The following TTLL2 variants were observed in gnomAD, a reference collection of about 807,000 sequenced individuals.
The protein encoded by TTLL2 is probable tubulin polyglutamylase TTLL2.
Under a neutral mutation model 7.5 loss-of-function variants are expected in TTLL2, and 10 were observed. The observed-to-expected ratio is 1.33, with a 90% confidence interval of 0.82 to 2.25. The LOEUF is 2.25. Ranked by LOEUF, TTLL2 falls within the 30% of genes most tolerant of loss-of-function variation. TTLL2 has a pLI of 0.00. For missense variants in TTLL2, 733 were observed against 735.7 expected, an observed-to-expected ratio of 1.00 and a Z score of 0.04; for synonymous variants, 284 against 280.3, an observed-to-expected ratio of 1.01 and a Z score of -0.13.
rs35919224 is a variant in TTLL2, at chr6:167,340,853, A to G, written c.953A>G (p.His318Arg). The G allele has an allele frequency of 1.8e-4, 289 of 1,614,210 alleles. 3 individuals are homozygous for G. In the African/African-American group the frequency reaches 3.6e-3, roughly 20 times the overall value. The change falls in exon 3 of 3, where the codon CAT becomes CGT. Residue 318 changes from histidine to arginine, a missense_variant. His to Arg is a conservative substitution (Grantham distance 29). Coordinates refer to ENST00000239587, the MANE Select transcript of TTLL2 (RefSeq NM_031949.5). Reference protein sequence around the residue: ...SYEKIKEVIGHGCKWTLSRFF... With the variant: ...SYEKIKEVIGRGCKWTLSRFF... ...GAGAAGATCAAAGAAGTGATTGGTC[A>G]TGGTTGTAAATGGACGCTCAGCAGA...
chr6:167,333,762 T>G, intron 1 of TTLL2, among the ~76,000 whole-genome samples: 1 of 90,840 alleles, frequency 1.1e-5, no homozygotes, highest in Non-Finnish European at 2.1e-5. Context: ...GATGGTAGTT[T>G]GTATTTCTGT....
intron 1 of TTLL2, among the ~76,000 whole-genome samples, chr6:167,331,986 T>G (rs1434361778): frequency 2.0e-5 from 3 of 152,168 alleles, no homozygotes; most frequent in Non-Finnish European, 4.4e-5. Flanking sequence ...TCAACTAAAC[T>G]CCTTTAAATT....
chr6:167,330,466 C>A (rs1394987202), intron 1 of TTLL2, among the ~76,000 whole-genome samples: 1 of 152,000 alleles, frequency 6.6e-6, no homozygotes, highest in East Asian at 1.9e-4. Context: ...GAGGCTGAGG[C>A]AGGAGAATCG....
Position 167,341,707 on chromosome 6 carries a change from T to C in TTLL2, c.*28T>C, listed in dbSNP as rs1233744522. On this transcript the variant is annotated 3_prime_UTR_variant, in exon 3 of 3. Coordinates refer to ENST00000239587, the MANE Select transcript of TTLL2 (RefSeq NM_031949.5). ...GGTAAAAAATCAAATCAAGAAAAAG[T>C]GACATGGATTTTTAAAAACCAAGGA... 1 of 1,561,938 alleles carries C rather than the reference T, an allele frequency of 6.4e-7. No homozygotes were observed. Among genetic ancestry groups the C allele is most frequent in the Admixed American group, 2.0e-5 (1 of 50,694 alleles).
chr6:167,328,205 G>A (rs546423612), intron 1 of TTLL2: 5 of 445,482 alleles, frequency 1.1e-5, no homozygotes, highest in South Asian at 3.2e-5. Context: ...AGGAGCTGTC[G>A]GCTAAGGAGG....
intron 1 of TTLL2, among the ~76,000 whole-genome samples, chr6:167,337,107 C>A (rs909640759): frequency 6.6e-6 from 1 of 151,994 alleles, no homozygotes; most frequent in African/African-American, 2.4e-5. Flanking sequence ...GCTTTCCACA[C>A]ACAATCAAAC....
Position 167,342,227 on chromosome 6 carries a change from C to T in TTLL2, c.*548C>T, listed in dbSNP as rs556996626. Among the ~76,000 whole-genome samples the T allele has an allele frequency of 6.6e-6, 1 of 152,320 alleles. No homozygotes were observed. The highest frequency in any genetic ancestry group is 2.4e-5 in the African/African-American group (1 of 41,550). On this transcript the variant is annotated 3_prime_UTR_variant, in exon 3 of 3. Coordinates refer to ENST00000239587, the MANE Select transcript of TTLL2 (RefSeq NM_031949.5). ...AAATCAGACTTTGCACCAAAGAGCTCCCTGTGGGGGCATCTTTGGGCTGTA... is the reference window on the plus strand; with the variant it reads ...AAATCAGACTTTGCACCAAAGAGCTTCCTGTGGGGGCATCTTTGGGCTGTA...
Position 167,341,104 on chromosome 6 carries a change from T to C in TTLL2, c.1204T>C (p.Leu402=). The change falls in exon 3 of 3, where the codon TTG becomes CTG. Residue 402 remains leucine, a synonymous_variant. Transcript: ENST00000239587. ...ALTLDCSTDV[L]VKRKLVHDII... ...GACCTTGGATTGTTCAACAGATGTG[T>C]TGGTGAAGAGAAAACTTGTCCATGA... 1 of 1,613,946 alleles carries C rather than the reference T, an allele frequency of 6.2e-7. No individual in the cohort carries two copies. The highest frequency in any genetic ancestry group is 1.1e-5 in the South Asian group (1 of 91,050).
chr6:167,330,010 T>C (rs1463955156), intron 1 of TTLL2, among the ~76,000 whole-genome samples: 1 of 152,132 alleles, frequency 6.6e-6, no homozygotes, highest in African/African-American at 2.4e-5. Flanking sequence ...GCACTGAGGG[T>C]AAAAGTGTAG....
Position 167,342,436 on chromosome 6 carries a change from AG to A in TTLL2, c.*759del, listed in dbSNP as rs1204458508. Among the ~76,000 whole-genome samples the A allele has an allele frequency of 2.0e-5, 3 of 152,246 alleles. No individual in the cohort carries two copies. The highest frequency in any genetic ancestry group is 7.2e-5 in the African/African-American group (3 of 41,456). On this transcript the variant is annotated 3_prime_UTR_variant, in exon 3 of 3. Coordinates refer to ENST00000239587, the MANE Select transcript of TTLL2 (RefSeq NM_031949.5). ...TCTAGTGAAAGTAGTCAGATACAAAAGGCCACATGTTGTATGACTCCGTTGA... is the reference window on the plus strand; with the variant it reads ...TCTAGTGAAAGTAGTCAGATACAAAAGCCACATGTTGTATGACTCCGTTGA...
At chr6:167,329,949 T>C (rs928211511) in intron 1 of TTLL2, among the ~76,000 whole-genome samples, 4 of 152,176 alleles carry the variant, frequency 2.6e-5, no homozygotes, top group Non-Finnish European at 5.9e-5. Flanking sequence ...TGTATAAATA[T>C]ACACCCAGAT....
At chr6:167,327,598 A>AT (rs1405669768) in intron 1 of TTLL2, among the ~76,000 whole-genome samples, 1 of 152,102 alleles carries the variant, frequency 6.6e-6, no homozygotes, top group Non-Finnish European at 1.5e-5. Context: ...GTGTGTATGA[A>AT]TTTTACATTC....
intron 1 of TTLL2, among the ~76,000 whole-genome samples, chr6:167,336,326 G>T (rs950134940): frequency 9.9e-5 from 15 of 151,866 alleles, no homozygotes; most frequent in Admixed American, 5.2e-4. Flanking sequence ...ACTGAAAGAA[G>T]AAATAATAAT....
At chr6:167,332,115 C>T (rs1338012332) in intron 1 of TTLL2, among the ~76,000 whole-genome samples, 1 of 152,032 alleles carries the variant, frequency 6.6e-6, no homozygotes, top group Non-Finnish European at 1.5e-5. Context: ...TGGCAGTCAC[C>T]AAACCAGAAC....
Position 167,340,888 on chromosome 6 carries a change from T to C in TTLL2, c.988T>C (p.Tyr330His). Residue 330 changes from tyrosine (Y) to histidine (H), a missense_variant, in exon 3 of 3, where the codon TAC (tyrosine) becomes CAC (histidine). Physicochemically the swap from Tyr to His is moderately conservative, Grantham distance 83. Coordinates refer to ENST00000239587, the MANE Select transcript of TTLL2 (RefSeq NM_031949.5). Reference sequence around the variant, plus strand: ...ATGGACGCTCAGCAGATTTTTTTCCTACCTTCGTAGCTGGGATGTGGACGA... The same window carrying C: ...ATGGACGCTCAGCAGATTTTTTTCCCACCTTCGTAGCTGGGATGTGGACGA... ...CKWTLSRFFSYLRSWDVDDLL... is the reference protein window; with the variant it reads ...CKWTLSRFFSHLRSWDVDDLL... The C allele has an allele frequency of 1.2e-6, 2 of 1,614,198 alleles. No homozygotes were observed. Among genetic ancestry groups the C allele is most frequent in the Non-Finnish European group, 1.7e-6 (2 of 1,180,034 alleles).
chr6:167,327,163 C>T (rs368501860), intron 1 of TTLL2, among the ~76,000 whole-genome samples: 105 of 152,302 alleles, frequency 6.9e-4, no homozygotes, highest in Middle Eastern at 3.4e-3. Flanking sequence ...GCTTAGCATT[C>T]GTCTTGCTTA....
chr6:167,342,352 T>C lies in TTLL2; in HGVS notation c.*673T>C, dbSNP rs189444844. The stretch of plus-strand genomic sequence containing the variant: ...AAAGTATGCTGTCATTCCTGCCACA[T>C]AAAAAGCATCTGCAGTCCTAAGACA... On this transcript the variant is annotated 3_prime_UTR_variant, in exon 3 of 3. Transcript: ENST00000239587. Among the ~76,000 whole-genome samples, 25 of 152,322 alleles carry C rather than the reference T, an allele frequency of 1.6e-4. No homozygotes were observed. Among genetic ancestry groups the C allele is most frequent in the Admixed American group, 1.6e-3 (24 of 15,306 alleles).
rs1204853542 is a variant in TTLL2 at position 167,341,880 on chromosome 6, A to G, written c.*201A>G. ...GTTCAAGTGGTGATTAAACTACATT[A>G]CATCCCATGTTTATTTGCTCAGGTG... On this transcript the variant is annotated 3_prime_UTR_variant, in exon 3 of 3. Coordinates refer to ENST00000239587, the MANE Select transcript of TTLL2 (RefSeq NM_031949.5). 6 of 583,796 alleles carry G rather than the reference A, an allele frequency of 1.0e-5. No homozygotes were observed. Among genetic ancestry groups the G allele is most frequent in the African/African-American group, 3.7e-5 (2 of 53,428 alleles). The allele number at this position is 583,796 out of a possible 1,614,324, so 36.2% of individuals were successfully genotyped here.
At chr6:167,338,848 C>A (rs1156630710) in intron 2 of TTLL2, 45 bp downstream of exon 2, 2 of 1,447,108 alleles carry the variant, frequency 1.4e-6, no homozygotes, top group East Asian at 2.6e-5. Flanking sequence ...TCCTTCCTTC[C>A]TTCCTTCCTT....
Sources: gnomAD v4.1 joint callset for allele counts (sites outside exome capture counted in the v4.1 genomes callset) on GRCh38, gnomAD v4.1.1 for gene constraint, MANE v1.5 for transcripts, NCBI Gene and HGNC (gene_info 2026-07-23, HGNC 2026-07-21) for gene names.